The following IQSEC3 variants were observed in gnomAD, a reference collection of about 807,000 sequenced individuals.
The protein encoded by IQSEC3 is IQ motif and SEC7 domain-containing protein 3.
In IQSEC3, 50 loss-of-function variants were observed where a neutral mutation model predicts 105.4. The ratio of observed to expected loss-of-function variants is 0.47; its 90% CI spans 0.38 to 0.60. The LOEUF (loss-of-function observed/expected upper bound fraction) is 0.60. IQSEC3 is among the 20% of genes least tolerant of loss of function. IQSEC3 has a pLI of 0.00. For synonymous variants in IQSEC3, 708 were observed against 746.0 expected (o/e 0.95, Z 0.83); for missense variants, 1,415 against 1,630.0 (o/e 0.87, Z 2.27).
chr12:92,840 C>G (rs1864131715), intron 1 of IQSEC3, among the ~76,000 whole-genome samples: 1 of 152,208 alleles, frequency 6.6e-6, no homozygotes, highest in African/African-American at 2.4e-5. Context: ...CTGAGAACAG[C>G]TGGTTCTTGC....
intron 2 of IQSEC3, chr12:111,529 T>C (rs1370755199): frequency 1.3e-5 from 2 of 152,186 alleles, no homozygotes; most frequent in African/African-American, 4.8e-5. Context: ...CCCTGTGTAC[T>C]CAGCCTCCCT....
intron 3 of IQSEC3, among the ~76,000 whole-genome samples, chr12:129,047 C>A (rs925795814): frequency 6.6e-6 from 1 of 152,226 alleles, no homozygotes; most frequent in Admixed American, 6.5e-5. Context: ...TCCCCGACCC[C>A]ATCTGCTGCA....
intron 1 of IQSEC3, among the ~76,000 whole-genome samples, chr12:88,182 A>G (rs1304444451): frequency 1.3e-5 from 2 of 152,184 alleles, no homozygotes; most frequent in African/African-American, 4.8e-5. Flanking sequence ...CATAAAACTA[A>G]CCAAATCAGA....
At chr12:107,433 G>A (rs1452024689) in intron 2 of IQSEC3, among the ~76,000 whole-genome samples, 21 of 105,664 alleles carry the variant, frequency 2.0e-4, no homozygotes, top group Non-Finnish European at 3.2e-4. Flanking sequence ...TTTTTGAGAC[G>A]GAGTCTTGCT....
In IQSEC3 at chr12:139,181, C is replaced by T. The variant is rs1865912317; in HGVS notation, c.1818C>T (p.Ser606=). 6.3e-7 allele frequency: 1 copy of T among 1,587,902 alleles called. No homozygotes were observed. The highest frequency in any genetic ancestry group is 8.6e-7 in the Non-Finnish European group (1 of 1,168,936). ...GCAGCAGCAGCACGTCCACCAAGTCCGCCAAGTCAGGCTCGGAGGCGTCGG... is the reference window on the plus strand; with the variant it reads ...GCAGCAGCAGCACGTCCACCAAGTCTGCCAAGTCAGGCTCGGAGGCGTCGG... The part of the protein sequence containing the change: ...QLSSSSTSTK[S]AKSGSEASAS... Residue 606 remains serine, a synonymous_variant, in exon 4 of 14, where the codon TCC becomes TCT. Coordinates refer to ENST00000538872, the MANE Select transcript of IQSEC3 (RefSeq NM_001170738.2).
chr12:158,275 G>T (rs1388326158), intron 7 of IQSEC3, among the ~76,000 whole-genome samples: 2 of 151,918 alleles, frequency 1.3e-5, no homozygotes, highest in African/African-American at 4.8e-5. Context: ...AAAATTAGTC[G>T]CTGCCCCTCT....
At chr12:102,423 A>G (rs1424267529) in intron 2 of IQSEC3, among the ~76,000 whole-genome samples, 2 of 152,196 alleles carry the variant, frequency 1.3e-5, no homozygotes, top group Non-Finnish European at 2.9e-5. Flanking sequence ...CAGTCTGGCT[A>G]AGGCCGGCCC....
chr12:104,364 T>G (rs1864568952), intron 2 of IQSEC3, among the ~76,000 whole-genome samples: 1 of 152,254 alleles, frequency 6.6e-6, no homozygotes, highest in Non-Finnish European at 1.5e-5. Flanking sequence ...CACTGGATCT[T>G]AAATAACATC....
At chr12:167,608 A>T (rs1483569388) in intron 11 of IQSEC3, 3 of 151,854 alleles carry the variant, frequency 2.0e-5, no homozygotes, top group Admixed American at 1.3e-4. Context: ...GGCTGGGCTC[A>T]GTGGCTCACA....
chr12:138,959 C>A lies in IQSEC3; in HGVS notation c.1596C>A (p.Thr532=). 1 of 1,561,972 alleles carries A rather than the reference C, an allele frequency of 6.4e-7. No homozygotes were observed. The highest frequency in any genetic ancestry group is 8.7e-7 in the Non-Finnish European group (1 of 1,154,462). The change falls in exon 4 of 14, where the codon ACC becomes ACA. Residue 532 remains threonine (T), a synonymous_variant. Coordinates refer to ENST00000538872, the MANE Select transcript of IQSEC3 (RefSeq NM_001170738.2). The surrounding 1 kb of genome is among the most constrained non-coding windows in gnomAD (Gnocchi z 7.1). ...PAAGKAEQGE[T]SGREAPEAPA... is the part of the protein sequence containing the mutation. ...CGGGCAAGGCCGAGCAGGGCGAGACCTCTGGGCGGGAGGCCCCGGAAGCCC... is the reference window on the plus strand; with the variant it reads ...CGGGCAAGGCCGAGCAGGGCGAGACATCTGGGCGGGAGGCCCCGGAAGCCC...
At chr12:146,489 T>G (rs546219221) in intron 5 of IQSEC3, among the ~76,000 whole-genome samples, 1 of 152,010 alleles carries the variant, frequency 6.6e-6, no homozygotes, top group East Asian at 1.9e-4. Flanking sequence ...CAAAAAAATT[T>G]TTTTTAAGTA....
chr12:138,452 C>T lies in IQSEC3; in HGVS notation c.1089C>T (p.Ser363=). The change falls in exon 4 of 14, where the codon AGC becomes AGT. Residue 363 remains serine (S), a synonymous_variant. Transcript: ENST00000538872. This position sits in a 1 kb window ranked among gnomAD's most constrained non-coding sequence, Gnocchi z 7.1. ...AGGTGCGGTCACCCACGGCCGAGAG[C>T]CTGGCGGCCGAGAAAGCGCTCATGG... is the stretch of plus-strand genomic sequence containing the variant. ...LRKVRSPTAE[S]LAAEKALMEG... 1 of 1,603,578 alleles carries T rather than the reference C, an allele frequency of 6.2e-7. No individual in the cohort carries two copies.
chr12:163,293 C>G (rs112633166), intron 8 of IQSEC3, among the ~76,000 whole-genome samples: 2,270 of 4,808 alleles, frequency 0.47, 208 homozygotes, highest in East Asian at 0.55. Flanking sequence ...CAGAACCGGA[C>G]CCCTCCCCTC....
chr12:86,016 G>A (rs1423344301), intron 1 of IQSEC3, among the ~76,000 whole-genome samples: 2 of 152,220 alleles, frequency 1.3e-5, no homozygotes, highest in East Asian at 1.9e-4. Context: ...GCTATGTTCT[G>A]TACTGGATGT....
chr12:171,146 G>A lies in IQSEC3; in HGVS notation c.3099G>A (p.Ala1033=), dbSNP rs372435617. 4.8e-5 allele frequency: 77 copies of A among 1,613,980 alleles called. No homozygotes were observed. The highest frequency in any genetic ancestry group is 6.7e-5 in the African/African-American group (5 of 74,910). ...AAGCCGCGCTCAGGGAGAGGCCGGC[G>A]GAGAGCACGGTGGAGGTAAGTGGAG... ...KREAALRERP[A]ESTVEVSIHN... is the part of the protein sequence containing the mutation. The change falls in exon 13 of 14, where the codon GCG becomes GCA. Residue 1033 remains alanine, a synonymous_variant. Transcript: ENST00000538872.
intron 2 of IQSEC3, among the ~76,000 whole-genome samples, chr12:101,846 C>T (rs1408855882): frequency 6.6e-6 from 1 of 152,156 alleles, no homozygotes; most frequent in African/African-American, 2.4e-5. Context: ...TTTCCCTGAT[C>T]AGACTCTCAG....
In IQSEC3 at chr12:169,006, T is replaced by G. The variant is rs1555099430; in HGVS notation, c.2972-7T>G. Reference sequence around the variant, plus strand: ...TTCTCTTGCTCACGGGCCTCTGCATTCCTTAGGGGAGCTGGAGAAGCAGCA... The same window carrying G: ...TTCTCTTGCTCACGGGCCTCTGCATGCCTTAGGGGAGCTGGAGAAGCAGCA... On this transcript the variant is annotated splice_region_variant and splice_polypyrimidine_tract_variant and intron_variant, in intron 11 of 13. Transcript: ENST00000538872. 6.2e-7 allele frequency: 1 copy of G among 1,613,766 alleles called. No individual in the cohort carries two copies. The highest frequency in any genetic ancestry group is 2.2e-5 in the East Asian group (1 of 44,868).
chr12:121,794 C>A (rs568256222), intron 2 of IQSEC3, among the ~76,000 whole-genome samples: 1 of 152,172 alleles, frequency 6.6e-6, no homozygotes, highest in Non-Finnish European at 1.5e-5. Flanking sequence ...AGAAAACAGC[C>A]GCCATCGCCG....
chr12:126,479 C>G (rs1372388483), intron 3 of IQSEC3, among the ~76,000 whole-genome samples: 1 of 151,670 alleles, frequency 6.6e-6, no homozygotes, highest in Non-Finnish European at 1.5e-5. Context: ...ATTGTGGGGC[C>G]CCCATTGAAC....
Sources: gnomAD v4.1 joint callset for allele counts (sites outside exome capture counted in the v4.1 genomes callset) on GRCh38, gnomAD v4.1.1 for gene constraint, Gnocchi (gnomAD v3.1) non-coding constraint, MANE v1.5 for transcripts, NCBI Gene and HGNC (gene_info 2026-07-23, HGNC 2026-07-21) for gene names.